RPL14: variants seen among roughly 807,000 people sequenced by gnomAD.
RPL14 encodes large ribosomal subunit protein eL14.
Under a neutral mutation model 25.3 loss-of-function variants are expected in RPL14, and 4 were observed. The ratio of observed to expected loss-of-function variants is 0.16; its 90% CI spans 0.08 to 0.36. RPL14 has a LOEUF of 0.36. RPL14 is among the 10% of genes least tolerant of loss of function. The pLI, the probability that RPL14 is intolerant of heterozygous loss-of-function variation, is 1.00. For missense variants in RPL14, 212 were observed against 261.9 expected, an observed-to-expected ratio of 0.81 and a Z score of 1.31; for synonymous variants, 75 against 89.8, an observed-to-expected ratio of 0.84 and a Z score of 0.93.
chr3:40,458,987 C>T (rs759235484), intron 3 of RPL14: 21 of 405,826 alleles, frequency 5.2e-5, no homozygotes, highest in Non-Finnish European at 8.2e-5. Flanking sequence ...CCAGCATGGG[C>T]AACATGGCGA....
In RPL14 at chr3:40,463,785, A is replaced by G. The variant is rs974958186; in HGVS notation, c.*1553A>G. On this transcript the variant is annotated 3_prime_UTR_variant, in exon 6 of 6. Coordinates refer to ENST00000396203, the MANE Select transcript of RPL14 (RefSeq NM_001034996.3). ...ACCTAGGTCCCATCCCCAAAGTGTC[A>G]TGTATATGCACTTAACTCCAACATC... 6.6e-6 allele frequency: 1 copy of G among 152,298 alleles called. No homozygotes were observed. Among genetic ancestry groups the G allele is most frequent in the East Asian group, 1.9e-4 (1 of 5,188 alleles). 9.4% of individuals were successfully genotyped at this position (152,298 alleles called of 1,614,324 possible). A position where few individuals can be genotyped will look rare whatever the true frequency, so the allele number is the denominator to read the frequency against.
Position 40,462,003 on chromosome 3 carries a change from C to T in RPL14, c.419C>T (p.Pro140Leu). 4 of 1,508,484 alleles carry T rather than the reference C, an allele frequency of 2.7e-6. No homozygotes were observed. The highest frequency in any genetic ancestry group is 1.4e-5 in the African/African-American group (1 of 72,890). 93.4% of individuals were successfully genotyped at this position (1,508,484 alleles called of 1,614,324 possible). Residue 140 changes from proline (P) to leucine (L), a missense_variant, in exon 6 of 6, where the codon CCC (proline) becomes CTC (leucine). Physicochemically the swap from Pro to Leu is moderately conservative, Grantham distance 98. Around this residue, in one of 3 missense-constraint regions of RPL14, gnomAD observed 143 missense variants for 180.3 expected, o/e 0.79. Coordinates refer to ENST00000396203, the MANE Select transcript of RPL14 (RefSeq NM_001034996.3). The part of the protein sequence containing the change: ...LQKAALLKAS[P>L]KKAPGTKGTA... ...AAGGCAGCTCTCCTGAAAGCTTCTCCCAAAAAAGCACCTGGTACTAAGGGT... is the reference window on the plus strand; with the variant it reads ...AAGGCAGCTCTCCTGAAAGCTTCTCTCAAAAAAGCACCTGGTACTAAGGGT...
At chr3:40,461,775 A>AT in intron 5 of RPL14, 114 bp downstream of exon 5, 1 of 1,300,208 alleles carries the variant, frequency 7.7e-7, no homozygotes, top group Non-Finnish European at 1.1e-6. Flanking sequence ...AAAAAGGAGA[A>AT]TTTATCTTCA....
rs1697032639 is a variant in RPL14, at chr3:40,466,754, TAA to T, written c.*4523_*4524del. 3 of 152,342 alleles carry T rather than the reference TAA, an allele frequency of 2.0e-5. No individual in the cohort carries two copies. In the South Asian group the frequency reaches 6.2e-4, roughly 32 times the overall value. 9.4% of individuals were successfully genotyped at this position (152,342 alleles called of 1,614,324 possible). On this transcript the variant is annotated 3_prime_UTR_variant, in exon 6 of 6. Coordinates refer to ENST00000396203, the MANE Select transcript of RPL14 (RefSeq NM_001034996.3). ...TTCTTTTTACACATTAGGTACTTAG[TAA>T]TTTGGGTTGAATTGTGTTGAACTAA... is the stretch of plus-strand genomic sequence containing the variant.
intron 2 of RPL14, chr3:40,458,330 G>A: frequency 1.9e-6 from 1 of 512,856 alleles, no homozygotes; most frequent in East Asian, 3.3e-5. Context: ...GCAAACTAAG[G>A]AGTTGACCAC....
rs756107625 is a variant in RPL14, at chr3:40,461,941, G to A, written c.357G>A (p.Arg119=). The change falls in exon 6 of 6, where the codon AGG becomes AGA. Residue 119 remains arginine, a splice_region_variant and synonymous_variant. Coordinates refer to ENST00000396203, the MANE Select transcript of RPL14 (RefSeq NM_001034996.3). ...TTTCTTACATTGATAATTTTCAGAG[G>A]AACAGAATAATCAAGAATGAAGTTA... ...RFKVMKAKKM[R]NRIIKNEVKK... is the part of the protein sequence containing the mutation. 1 of 1,594,414 alleles carries A rather than the reference G, an allele frequency of 6.3e-7. No homozygotes were observed. Among genetic ancestry groups the A allele is most frequent in the East Asian group, 2.2e-5 (1 of 44,766 alleles).
chr3:40,458,464 A>C, intron 2 of RPL14, 178 bp from the exon 3 acceptor site: 1 of 598,642 alleles, frequency 1.7e-6, no homozygotes, highest in Non-Finnish European at 3.0e-6. Context: ...GTTTGTGTTG[A>C]GCAAAAGACA....
chr3:40,458,052 A>G (rs1696871591), intron 2 of RPL14, 61 bp downstream of exon 2: 2 of 1,386,694 alleles, frequency 1.4e-6, no homozygotes, highest in East Asian at 4.6e-5. Flanking sequence ...GATGGCAATA[A>G]TGAATTGTCT....
chr3:40,458,866 C>T, intron 3 of RPL14, 130 bp downstream of exon 3: 2 of 712,686 alleles, frequency 2.8e-6, no homozygotes, highest in South Asian at 1.6e-5. Context: ...TAGAAGTAGA[C>T]AGGGATTATT....
rs1210048873 is a variant in RPL14, at chr3:40,463,764, A to G, written c.*1532A>G. 1 of 152,254 alleles carries G rather than the reference A, an allele frequency of 6.6e-6. No individual in the cohort carries two copies. Among genetic ancestry groups the G allele is most frequent in the Admixed American group, 6.5e-5 (1 of 15,274 alleles). The allele number at this position is 152,254 out of a possible 1,614,324, so 9.4% of individuals were successfully genotyped here. ...ATAAATGAATTTCCTGTATAGACCT[A>G]GGTCCCATCCCCAAAGTGTCATGTA... On this transcript the variant is annotated 3_prime_UTR_variant, in exon 6 of 6. Transcript: ENST00000396203.
Position 40,463,973 on chromosome 3 carries a change from CT to C in RPL14, c.*1757del, listed in dbSNP as rs34838105. 4.0e-4 allele frequency: 58 copies of C among 143,844 alleles called. No individual in the cohort carries two copies. The highest frequency in any genetic ancestry group is 4.7e-4 in the Non-Finnish European group (31 of 66,390). The allele number at this position is 143,844 out of a possible 1,614,324, so 8.9% of individuals were successfully genotyped here. ...CAAAGCTGTACATGAAACAGGATTA[CT>C]TTTTTTTTTTTTTTTGAGACAGAGC... On this transcript the variant is annotated 3_prime_UTR_variant, in exon 6 of 6. Transcript: ENST00000396203.
rs1402562089 is a variant in RPL14, at chr3:40,457,485, C to T, written c.3+11C>T. ...CCCGGGAAGCGCATGGTGAGGGTCC[C>T]CGGGCCGGCTGTGCAGCGGAATCGG... On this transcript the variant is annotated intron_variant, in intron 1 of 5. Coordinates refer to ENST00000396203, the MANE Select transcript of RPL14 (RefSeq NM_001034996.3). 1 of 1,546,278 alleles carries T rather than the reference C, an allele frequency of 6.5e-7. No homozygotes were observed. The highest frequency in any genetic ancestry group is 8.8e-7 in the Non-Finnish European group (1 of 1,141,354).
At chr3:40,458,509 C>T (rs1696879382) in intron 2 of RPL14, 133 bp from the exon 3 acceptor site, 1 of 673,350 alleles carries the variant, frequency 1.5e-6, no homozygotes. Context: ...CAATCCTTGT[C>T]TTTTCTGAGC....
At chr3:40,458,869 G>A in intron 3 of RPL14, 133 bp downstream of exon 3, 1 of 702,890 alleles carries the variant, frequency 1.4e-6, no homozygotes, top group East Asian at 2.7e-5. Context: ...AAGTAGACAG[G>A]GATTATTTAC....
intron 1 of RPL14, 105 bp downstream of exon 1, chr3:40,457,579 G>A: frequency 1.0e-6 from 1 of 985,682 alleles, no homozygotes; most frequent in Non-Finnish European, 1.5e-6. Context: ...GGCAGGCCTG[G>A]CGCGCCTTGG....
rs1395378472 is a variant in RPL14 at position 40,467,844 on chromosome 3, G to C, written c.*5612G>C. On this transcript the variant is annotated 3_prime_UTR_variant, in exon 6 of 6. Transcript: ENST00000396203. ...TGTGTTTTTTTTTTTTTTGAGACGAGGTCTTGCTCTCGCCCAGGCTGGAGT... is the reference window on the plus strand; with the variant it reads ...TGTGTTTTTTTTTTTTTTGAGACGACGTCTTGCTCTCGCCCAGGCTGGAGT... 3 of 151,220 alleles carry C rather than the reference G, an allele frequency of 2.0e-5. No homozygotes were observed. The highest frequency in any genetic ancestry group is 7.3e-5 in the African/African-American group (3 of 41,140). 9.4% of individuals were successfully genotyped at this position (151,220 alleles called of 1,614,324 possible). A position where few individuals can be genotyped will look rare whatever the true frequency, so the allele number is the denominator to read the frequency against.
At chr3:40,459,858 CAAAAAAAAAA>C (rs10682822) in intron 3 of RPL14, among the ~76,000 whole-genome samples, 6 of 90,956 alleles carry the variant, frequency 6.6e-5, no homozygotes, top group African/African-American at 9.4e-5. Context: ...GACTCCGTTT[CAAAAAAAAAA>C]AAAAAAAAAA....
At position 40,461,426 on chromosome 3, in the gene RPL14, C is replaced by G. The variant is rs1056263013; in HGVS notation, c.220C>G (p.Arg74Gly). 6.2e-7 allele frequency: 1 copy of G among 1,614,024 alleles called. No homozygotes were observed. Residue 74 changes from arginine to glycine, a missense_variant, in exon 4 of 6, where the codon CGA (arginine) becomes GGA (glycine). Coordinates refer to ENST00000396203, the MANE Select transcript of RPL14 (RefSeq NM_001034996.3). ...FPHSAHQKYV[R>G]QAWQKADINT... ...TTCTAGTGCCCACCAGAAGTATGTC[C>G]GACAAGCCTGGCAGAAGGCAGACAT...
chr3:40,459,858 C>CAAAA (rs10682822), intron 3 of RPL14, among the ~76,000 whole-genome samples: 5,426 of 90,718 alleles, frequency 0.06, 493 homozygotes, highest in Non-Finnish European at 0.076. Flanking sequence ...GACTCCGTTT[C>CAAAA]AAAAAAAAAA....
Sources: gnomAD v4.1 joint callset for allele counts (sites outside exome capture counted in the v4.1 genomes callset) on GRCh38, gnomAD v4.1.1 for gene constraint, gnomAD v4.1.1 regional missense constraint, MANE v1.5 for transcripts, NCBI Gene and HGNC (gene_info 2026-07-23, HGNC 2026-07-21) for gene names.